The following IMMP2L variants were observed in gnomAD, a reference collection of about 807,000 sequenced individuals.
IMMP2L encodes the protein inner mitochondrial membrane peptidase subunit 2.
Under a neutral mutation model 19.3 loss-of-function variants are expected in IMMP2L, and 18 were observed. The ratio of observed to expected loss-of-function variants is 0.93; its 90% CI spans 0.64 to 1.38. The LOEUF is 1.38. Ranked by LOEUF, IMMP2L falls within the 40% of genes most tolerant of loss-of-function variation. The pLI, the probability that IMMP2L is intolerant of heterozygous loss-of-function variation, is 0.00. For synonymous variants in IMMP2L, 76 were observed against 73.0 expected, an observed-to-expected ratio of 1.04 and a Z score of -0.21; for missense variants, 233 against 218.2, an observed-to-expected ratio of 1.07 and a Z score of -0.43.
At chr7:111,500,561 C>G (rs544708922) in intron 2 of IMMP2L, among the ~76,000 whole-genome samples, 54 of 152,276 alleles carry the variant, frequency 3.5e-4, no homozygotes, top group Middle Eastern at 6.8e-3. Flanking sequence ...TCCGCCAGTA[C>G]GGGCAGACTG....
intron 3 of IMMP2L, among the ~76,000 whole-genome samples, chr7:111,025,976 GTTC>G (rs1563171682): frequency 6.6e-6 from 1 of 151,710 alleles, no homozygotes; most frequent in South Asian, 2.1e-4. Context: ...ATCATTAAAT[GTTC>G]TTCTCTATCT....
chr7:110,874,792 A>G (rs2129544222), intron 5 of IMMP2L, among the ~76,000 whole-genome samples: 1 of 152,234 alleles, frequency 6.6e-6, no homozygotes, highest in Middle Eastern at 3.4e-3. Flanking sequence ...GTAATTTATA[A>G]TAAAAAATAT....
intron 5 of IMMP2L, among the ~76,000 whole-genome samples, chr7:110,721,719 G>A (rs1795584407): frequency 6.6e-6 from 1 of 152,196 alleles, no homozygotes; most frequent in South Asian, 2.1e-4. Context: ...ACTAAACAAT[G>A]CTGAATGACA....
intron 3 of IMMP2L, among the ~76,000 whole-genome samples, chr7:111,431,870 C>A (rs1836665370): frequency 1.3e-5 from 2 of 151,744 alleles, no homozygotes; most frequent in South Asian, 4.1e-4. Context: ...ACAATGAAGT[C>A]AAACCTTTCC....
rs193107453 is a variant in IMMP2L, at chr7:111,313,218, G to T, written c.239+174020C>A. Among the ~76,000 whole-genome samples the T allele has an allele frequency of 1.8e-3, 277 of 152,220 alleles. 1 individual carries two copies. The highest frequency in any genetic ancestry group is 6.5e-3 in the African/African-American group (272 of 41,546). ...TCACCTTCAGTATCCTCTTCTGCAT[G>T]CTGAAGTACACCATCCAATAAAAGG... is the stretch of plus-strand genomic sequence containing the variant. On this transcript the variant is annotated intron_variant, in intron 3 of 5. Coordinates refer to ENST00000405709, the MANE Select transcript of IMMP2L (RefSeq NM_032549.4).
chr7:111,091,872 CAGAG>C (rs1037923829), intron 3 of IMMP2L, among the ~76,000 whole-genome samples: 2 of 151,722 alleles, frequency 1.3e-5, no homozygotes, highest in East Asian at 1.9e-4. Flanking sequence ...AGAGAGAAGA[CAGAG>C]AGGAGACAGA....
intron 1 of IMMP2L, among the ~76,000 whole-genome samples, chr7:111,556,036 A>ATATATATATATATATATATATG (rs771965188): frequency 7.6e-6 from 1 of 132,444 alleles, no homozygotes; most frequent in Non-Finnish European, 1.6e-5. Context: ...ATATATATAT[A>ATATATATATATATATATATATG]CATACCCAAA....
chr7:111,364,901 T>C (rs1584809984), intron 3 of IMMP2L, among the ~76,000 whole-genome samples: 1 of 149,140 alleles, frequency 6.7e-6, no homozygotes, highest in Non-Finnish European at 1.5e-5. Flanking sequence ...ACCCAGGAGG[T>C]GGAGGTTGCA....
chr7:111,060,347 T>C (rs1793910308), intron 3 of IMMP2L, among the ~76,000 whole-genome samples: 1 of 152,226 alleles, frequency 6.6e-6, no homozygotes. Context: ...TTATTTTACA[T>C]ACATATTAAT....
intron 5 of IMMP2L, among the ~76,000 whole-genome samples, chr7:110,680,216 A>T (rs1459973733): frequency 1.3e-5 from 2 of 152,138 alleles, no homozygotes; most frequent in African/African-American, 4.8e-5. Context: ...GACGCCCTTA[A>T]CATTATCTTT....
At chr7:110,955,416 A>G (rs2129554653) in intron 4 of IMMP2L, among the ~76,000 whole-genome samples, 1 of 152,050 alleles carries the variant, frequency 6.6e-6, no homozygotes, top group East Asian at 2.0e-4. Context: ...TTTTTCACAA[A>G]TGGCTCTTAT....
chr7:111,371,767 G>C (rs1830279338), intron 3 of IMMP2L, among the ~76,000 whole-genome samples: 1 of 151,988 alleles, frequency 6.6e-6, no homozygotes, highest in Non-Finnish European at 1.5e-5. Flanking sequence ...GTGTGAAGAG[G>C]TGGGTGTAGT....
intron 3 of IMMP2L, among the ~76,000 whole-genome samples, chr7:111,445,405 G>C (rs1288132746): frequency 6.6e-6 from 1 of 151,214 alleles, no homozygotes; most frequent in Non-Finnish European, 1.5e-5. Context: ...AAAAAAAATA[G>C]ACACAAACAT....
intron 5 of IMMP2L, among the ~76,000 whole-genome samples, chr7:110,780,700 A>C (rs1024628697): frequency 1.3e-5 from 2 of 151,878 alleles, no homozygotes; most frequent in Non-Finnish European, 2.9e-5. Context: ...TGATTAAAAA[A>C]AAATCTAGAA....
intron 3 of IMMP2L, chr7:111,124,436 C>T: frequency 6.2e-7 from 1 of 1,613,722 alleles, no homozygotes; most frequent in African/African-American, 1.3e-5. Flanking sequence ...GTTAAATGGA[C>T]AGCCTTTGTC....
intron 3 of IMMP2L, among the ~76,000 whole-genome samples, chr7:111,333,222 T>C (rs1826050825): frequency 6.6e-6 from 1 of 152,170 alleles, no homozygotes; most frequent in Non-Finnish European, 1.5e-5. Context: ...GTAATTGTAA[T>C]GAGTATTTCC....
rs57774530 is a variant in IMMP2L at position 111,030,884 on chromosome 7, G to GTA, written c.240-67321_240-67320dup. Among the ~76,000 whole-genome samples the GTA allele has an allele frequency of 5.1e-3, 641 of 126,598 alleles. 2 individuals are homozygous for GTA. The highest frequency in any genetic ancestry group is 6.4e-3 in the Non-Finnish European group (397 of 61,936). The allele number at this position is 126,598 out of a possible 152,430, so 83.1% of individuals were successfully genotyped here. On this transcript the variant is annotated intron_variant, in intron 3 of 5. Coordinates refer to ENST00000405709, the MANE Select transcript of IMMP2L (RefSeq NM_032549.4). Reference sequence around the variant, plus strand: ...TGTGTGTGTATGTGTGTGTGTGTGTGTATATATATATATATATATATATAT... The same window carrying GTA: ...TGTGTGTGTATGTGTGTGTGTGTGTGTATATATATATATATATATATATATAT...
At chr7:111,067,881 A>G (rs915177227) in intron 3 of IMMP2L, among the ~76,000 whole-genome samples, 1 of 152,160 alleles carries the variant, frequency 6.6e-6, no homozygotes, top group African/African-American at 2.4e-5. Context: ...AGGAATATGC[A>G]TGGTCATAGT....
intron 5 of IMMP2L, among the ~76,000 whole-genome samples, chr7:110,876,545 T>G (rs1414054701): frequency 1.3e-5 from 2 of 152,152 alleles, no homozygotes; most frequent in Non-Finnish European, 2.9e-5. Context: ...GAGATAAGCA[T>G]GAAGTTAGTT....
Sources: gnomAD v4.1 joint callset for allele counts (sites outside exome capture counted in the v4.1 genomes callset) on GRCh38, gnomAD v4.1.1 for gene constraint, MANE v1.5 for transcripts, NCBI Gene and HGNC (gene_info 2026-07-23, HGNC 2026-07-21) for gene names.